Variants in NTNG2 observed in about 807,000 individuals in gnomAD.
The protein encoded by NTNG2 is netrin G2.
Under a neutral mutation model 47.6 loss-of-function variants are expected in NTNG2, and 15 were observed. The ratio of observed to expected loss-of-function variants is 0.32; its 90% CI spans 0.21 to 0.49. The LOEUF (loss-of-function observed/expected upper bound fraction) is 0.49. Among genes scored for constraint, NTNG2 ranks in the 20% least tolerant of loss-of-function variants. The probability of loss-of-function intolerance (pLI) is 0.99; values close to 1 mark genes in which losing one functional copy is unlikely to be tolerated. For missense variants in NTNG2, 578 were observed against 764.6 expected, an observed-to-expected ratio of 0.76 and a Z score of 2.88; for synonymous variants, 307 against 324.6, an observed-to-expected ratio of 0.95 and a Z score of 0.58.
intron 2 of NTNG2, among the ~76,000 whole-genome samples, chr9:132,172,930 T>C (rs1490031199): frequency 6.6e-6 from 1 of 151,920 alleles, no homozygotes; most frequent in Non-Finnish European, 1.5e-5. Context: ...GGGGTTTCAC[T>C]GTGTTAGCCA....
chr9:132,214,481 C>A (rs1008214953), intron 3 of NTNG2, among the ~76,000 whole-genome samples: 10 of 152,218 alleles, frequency 6.6e-5, no homozygotes, highest in African/African-American at 2.2e-4. Flanking sequence ...GCTGGGCTCT[C>A]CCCTGGAGGT....
intron 3 of NTNG2, among the ~76,000 whole-genome samples, chr9:132,201,233 C>T (rs1041546675): frequency 3.9e-5 from 6 of 152,262 alleles, no homozygotes; most frequent in African/African-American, 1.4e-4. Context: ...TGCATCCTGC[C>T]TTGATTTCCC....
At chr9:132,195,477 T>G (rs1040300931) in intron 2 of NTNG2, among the ~76,000 whole-genome samples, 1 of 72,416 alleles carries the variant, frequency 1.4e-5, no homozygotes, top group African/African-American at 5.0e-5. Flanking sequence ...CCTGGCTATT[T>G]TTTTTTTTTT....
At chr9:132,199,562 A>G (rs1346193372) in intron 3 of NTNG2, among the ~76,000 whole-genome samples, 1 of 152,116 alleles carries the variant, frequency 6.6e-6, no homozygotes, top group African/African-American at 2.4e-5. Flanking sequence ...CAGTGTTCAG[A>G]GTTTTTACTG....
In NTNG2 at chr9:132,244,511, GGTGAT is replaced by G. The variant is rs1842153588; in HGVS notation, c.*2406_*2410del. 6.6e-6 allele frequency: 1 copy of G among 152,216 alleles called. No individual in the cohort carries two copies. The highest frequency in any genetic ancestry group is 1.5e-5 in the Non-Finnish European group (1 of 68,050). The allele number at this position is 152,216 out of a possible 1,614,324, so 9.4% of individuals were successfully genotyped here. A position where few individuals can be genotyped will look rare whatever the true frequency, so the allele number is the denominator to read the frequency against. ...TTACTGTGTGAGAAAAAAAATAAAC[GGTGAT>G]GTGATTAAAACACTAGAATTTGGGT... On this transcript the variant is annotated 3_prime_UTR_variant, in exon 8 of 8. Coordinates refer to ENST00000393229, the MANE Select transcript of NTNG2 (RefSeq NM_032536.4).
chr9:132,224,407 G>A (rs1442629219), intron 3 of NTNG2, among the ~76,000 whole-genome samples: 1 of 152,096 alleles, frequency 6.6e-6, no homozygotes, highest in Non-Finnish European at 1.5e-5. Context: ...TACCATTGTG[G>A]CATCATAAAG....
chr9:132,166,648 C>T lies in NTNG2; in HGVS notation c.-184C>T, dbSNP rs764192239. The T allele has an allele frequency of 2.6e-5, 16 of 609,200 alleles. No individual in the cohort carries two copies. The highest frequency in any genetic ancestry group is 5.8e-5 in the Admixed American group (2 of 34,706). The allele number at this position is 609,200 out of a possible 1,614,324, so 37.7% of individuals were successfully genotyped here. On this transcript the variant is annotated 5_prime_UTR_variant, in exon 2 of 8. Coordinates refer to ENST00000393229, the MANE Select transcript of NTNG2 (RefSeq NM_032536.4). ...AACGCTGGCTCTGAATTTTCCGTGTCGGCCTTTTGGAAACAACAAGTTCCT... is the reference window on the plus strand; with the variant it reads ...AACGCTGGCTCTGAATTTTCCGTGTTGGCCTTTTGGAAACAACAAGTTCCT...
At position 132,182,634 on chromosome 9, in the gene NTNG2, C is replaced by T. The variant is rs1217405121; in HGVS notation, c.214-15332C>T. On this transcript the variant is annotated intron_variant, in intron 2 of 7. Transcript: ENST00000393229. This position sits in a 1 kb window ranked among gnomAD's most constrained non-coding sequence, Gnocchi z 4.2. ...AGGACCTTCCCCCAAGGGGCTCAGG[C>T]ATCAGCTGAGAACTGCAGCCTTGGG... Among the ~76,000 whole-genome samples the T allele has an allele frequency of 6.6e-6, 1 of 152,228 alleles. No homozygotes were observed. Among genetic ancestry groups the T allele is most frequent in the Non-Finnish European group, 1.5e-5 (1 of 68,036 alleles).
At position 132,162,921 on chromosome 9, in the gene NTNG2, G is replaced by A. The variant is rs543673217; in HGVS notation, c.-484+682G>A. Among the ~76,000 whole-genome samples the A allele has an allele frequency of 6.6e-6, 1 of 152,242 alleles. No individual in the cohort carries two copies. Among genetic ancestry groups the A allele is most frequent in the Non-Finnish European group, 1.5e-5 (1 of 68,002 alleles). On this transcript the variant is annotated intron_variant, in intron 1 of 7. Transcript: ENST00000393229. This position sits in a 1 kb window ranked among gnomAD's most constrained non-coding sequence, Gnocchi z 4.6. Reference sequence around the variant, plus strand: ...GCGCGCAGGTGGGGGGAGCAGAGGCGGCGGGAAGGCGGGAAGAGAGGACCG... The same window carrying A: ...GCGCGCAGGTGGGGGGAGCAGAGGCAGCGGGAAGGCGGGAAGAGAGGACCG...
At position 132,215,076 on chromosome 9, in the gene NTNG2, TTG is replaced by T. The variant is rs1564425049; in HGVS notation, c.858-11772_858-11771del. 1.3e-5 allele frequency among the ~76,000 whole-genome samples: 1 copy of T among 76,638 alleles called. No homozygotes were observed. The highest frequency in any genetic ancestry group is 6.7e-5 in the African/African-American group (1 of 14,826). The allele number at this position is 76,638 out of a possible 152,430, so 50.3% of individuals were successfully genotyped here. A position where few individuals can be genotyped will look rare whatever the true frequency, so the allele number is the denominator to read the frequency against. On this transcript the variant is annotated intron_variant, in intron 3 of 7. Coordinates refer to ENST00000393229, the MANE Select transcript of NTNG2 (RefSeq NM_032536.4). The surrounding 1 kb of genome is among the most constrained non-coding windows in gnomAD (Gnocchi z 4.2). ...GTTTTTTTTAATTTTTTTGTAGAGA[TTG>T]GGGGGGGGGGTCTCACTTTCTTGCC...
intron 2 of NTNG2, among the ~76,000 whole-genome samples, chr9:132,189,656 T>C (rs369987244): frequency 1.3e-5 from 2 of 151,860 alleles, no homozygotes; most frequent in South Asian, 2.1e-4. Context: ...AATTTTTTTT[T>C]TGAGACGGAG....
chr9:132,194,246 G>C (rs1284427729), intron 2 of NTNG2, among the ~76,000 whole-genome samples: 1 of 152,204 alleles, frequency 6.6e-6, no homozygotes, highest in East Asian at 1.9e-4. Context: ...CCAGGTGCAA[G>C]TTCTTGGAGC....
chr9:132,223,198 C>G (rs2130910356), intron 3 of NTNG2, among the ~76,000 whole-genome samples: 1 of 152,298 alleles, frequency 6.6e-6, no homozygotes, highest in Middle Eastern at 3.4e-3. Context: ...AGAGAAGACC[C>G]CAAGGAGGAA....
At chr9:132,241,172 C>T in intron 7 of NTNG2, 128 bp downstream of exon 7, 2 of 391,698 alleles carry the variant, frequency 5.1e-6, no homozygotes, top group Non-Finnish European at 6.2e-6. Context: ...GGGGCAGGGC[C>T]GGGGAAGTGG....
Position 132,166,775 on chromosome 9 carries a change from C to T in NTNG2, c.-57C>T. The T allele has an allele frequency of 1.3e-6, 2 of 1,556,058 alleles. No homozygotes were observed. Among genetic ancestry groups the T allele is most frequent in the Non-Finnish European group, 1.8e-6 (2 of 1,132,522 alleles). On this transcript the variant is annotated 5_prime_UTR_variant, in exon 2 of 8. Transcript: ENST00000393229. ...TGCTGAGGCCGCGAGTCCCGCCTGA[C>T]CCCGTCGCTGCCTCTCCAGGGCTTC...
At chr9:132,196,070 A>C (rs1163576303) in intron 2 of NTNG2, among the ~76,000 whole-genome samples, 1 of 151,788 alleles carries the variant, frequency 6.6e-6, no homozygotes, top group African/African-American at 2.4e-5. Context: ...CATATTAGTC[A>C]TGTCTGATGA....
Position 132,236,127 on chromosome 9 carries a change from C to CA in NTNG2, c.1055-2976dup, listed in dbSNP as rs1273828356. ...CTGGGCAGTTGCTGGATCAGAGAGTCAGAGGGGGCTTCCTGCAGGAGCGGG... is the reference window on the plus strand; with the variant it reads ...CTGGGCAGTTGCTGGATCAGAGAGTCAAGAGGGGGCTTCCTGCAGGAGCGGG... On this transcript the variant is annotated intron_variant, in intron 5 of 7. Transcript: ENST00000393229. This position sits in a 1 kb window ranked among gnomAD's most constrained non-coding sequence, Gnocchi z 4.3. Among the ~76,000 whole-genome samples, 8 of 152,224 alleles carry CA rather than the reference C, an allele frequency of 5.3e-5. No homozygotes were observed. The highest frequency in any genetic ancestry group is 1.2e-4 in the Non-Finnish European group (8 of 68,028).
intron 2 of NTNG2, among the ~76,000 whole-genome samples, chr9:132,189,064 C>CTTTTTTTTTTTTTTTTTTTT: frequency 1.6e-5 from 1 of 61,756 alleles, no homozygotes; most frequent in Non-Finnish European, 3.2e-5. Context: ...GGCTTTAAGC[C>CTTTTTTTTTTTTTTTTTTTT]TTTCTTTTTT....
chr9:132,202,259 G>C (rs965111575), intron 3 of NTNG2, among the ~76,000 whole-genome samples: 17 of 152,224 alleles, frequency 1.1e-4, no homozygotes, highest in African/African-American at 4.1e-4. Context: ...GTAGGCAGGA[G>C]GGGGAGGACA....
Sources: allele counts gnomAD v4.1 joint callset (sites outside exome capture counted in the v4.1 genomes callset), GRCh38; gene constraint gnomAD v4.1.1; non-coding constraint Gnocchi (gnomAD v3.1); transcripts MANE v1.5; gene names NCBI Gene and HGNC (gene_info 2026-07-23, HGNC 2026-07-21).